ZNF395: variants seen among roughly 807,000 people sequenced by gnomAD.
The protein encoded by ZNF395 is HD gene regulatory region-binding protein 2.
In ZNF395, 20 loss-of-function variants were observed where a neutral mutation model predicts 57.7. The ratio of observed to expected loss-of-function variants is 0.35; its 90% CI spans 0.24 to 0.50. ZNF395 has a LOEUF of 0.50. ZNF395 is among the 20% of genes least tolerant of loss of function. The probability of loss-of-function intolerance (pLI) is 0.97; values close to 1 mark genes in which losing one functional copy is unlikely to be tolerated. For synonymous variants in ZNF395, 295 were observed against 275.9 expected (o/e 1.07, Z -0.69); for missense variants, 606 against 671.2 (o/e 0.90, Z 1.07).
Position 28,347,556 on chromosome 8 carries a change from CACCA to C in ZNF395, c.*1159_*1162del, listed in dbSNP as rs1195303514. ...CCTAGATCCCTGGAGGCTCCAGAAA[CACCA>C]AGGGCCAAAACGCCAGCAGCCACTA... On this transcript the variant is annotated 3_prime_UTR_variant, in exon 10 of 10. Transcript: ENST00000344423. 6.6e-6 allele frequency: 1 copy of C among 152,416 alleles called. No homozygotes were observed. The highest frequency in any genetic ancestry group is 1.5e-5 in the Non-Finnish European group (1 of 68,244). The allele number at this position is 152,416 out of a possible 1,614,324, so 9.4% of individuals were successfully genotyped here.
At chr8:28,351,835 CA>C (rs766695224) in intron 6 of ZNF395, 28 bp from the exon 7 acceptor site, 13 of 1,521,710 alleles carry the variant, frequency 8.5e-6, no homozygotes, top group Non-Finnish European at 1.1e-5. Context: ...GCGGTATAAT[CA>C]GGGGCACCCT....
rs1240264945 is a variant in ZNF395 at position 28,348,623 on chromosome 8, T to C, written c.*96A>G. The C allele has an allele frequency of 2.2e-5, 25 of 1,144,188 alleles. No homozygotes were observed. The highest frequency in any genetic ancestry group is 3.2e-5 in the Non-Finnish European group (24 of 761,338). 70.9% of individuals were successfully genotyped at this position (1,144,188 alleles called of 1,614,324 possible). On this transcript the variant is annotated 3_prime_UTR_variant, in exon 10 of 10. Transcript: ENST00000344423. ...GAGCCCAAACTCCGTGTTTCCGTTC[T>C]TTCTCTTTCGGTTTCTGCTGAGGGC... is the stretch of plus-strand genomic sequence containing the variant.
chr8:28,385,837 C>G (rs867810445), intron 1 of ZNF395, among the ~76,000 whole-genome samples: 2,214 of 147,112 alleles, frequency 0.015, 64 homozygotes, highest in African/African-American at 0.051. Flanking sequence ...CGCCCGCCAC[C>G]CCGGCCCTGC....
intron 4 of ZNF395, among the ~76,000 whole-genome samples, chr8:28,354,277 C>T (rs902571239): frequency 6.6e-6 from 1 of 152,138 alleles, no homozygotes; most frequent in Non-Finnish European, 1.5e-5. Flanking sequence ...ATGGGCCCAA[C>T]CCAGACTCTC....
At chr8:28,371,821 G>A (rs1248487546) in intron 1 of ZNF395, among the ~76,000 whole-genome samples, 2 of 152,204 alleles carry the variant, frequency 1.3e-5, no homozygotes, top group African/African-American at 4.8e-5. Context: ...GGCCAAGGCA[G>A]GTGGATCACT....
At position 28,351,507 on chromosome 8, in the gene ZNF395, A is replaced by T. The variant is rs1306042213; in HGVS notation, c.1221T>A (p.Asp407Glu). 6.2e-7 allele frequency: 1 copy of T among 1,603,532 alleles called. No homozygotes were observed. Among genetic ancestry groups the T allele is most frequent in the Non-Finnish European group, 8.5e-7 (1 of 1,172,194 alleles). Residue 407 changes from aspartate to glutamate, a missense_variant, in exon 7 of 10, where the codon GAT becomes GAA. Physicochemically the swap from Asp to Glu is conservative, Grantham distance 45. This residue lies in a region of ZNF395 where 261 missense variants were observed against 240.3 expected (regional missense o/e 1.09). Transcript: ENST00000344423. ...APGSFWHIQA[D>E]HAYQALPSFQ... ...CCCCGCCCCATACCTGGTATGCATG[A>T]TCTGCCTGAATGTGCCAGAAGGACC...
intron 1 of ZNF395, among the ~76,000 whole-genome samples, chr8:28,362,091 CAA>C (rs111833441): frequency 9.6e-5 from 12 of 124,876 alleles, no homozygotes; most frequent in Admixed American, 1.7e-4. Flanking sequence ...GACTCAGACT[CAA>C]AAAAAAAAAA....
chr8:28,382,853 A>T (rs1339878882), intron 1 of ZNF395, among the ~76,000 whole-genome samples: 2 of 152,228 alleles, frequency 1.3e-5, no homozygotes, highest in African/African-American at 4.8e-5. Context: ...AGTGGGAGAC[A>T]AGAGGTTTTT....
Position 28,349,134 on chromosome 8 carries a change from C to T in ZNF395, c.1421G>A (p.Ser474Asn). 2.6e-6 allele frequency: 4 copies of T among 1,568,016 alleles called. No homozygotes were observed. Among genetic ancestry groups the T allele is most frequent in the Admixed American group, 3.8e-5 (2 of 52,092 alleles). Residue 474 changes from serine (S) to asparagine (N), a missense_variant, in exon 9 of 10, where the codon AGT becomes AAT. Ser to Asn is a conservative substitution (Grantham distance 46). This residue lies in a region of ZNF395 where 261 missense variants were observed against 240.3 expected (regional missense o/e 1.09). Transcript: ENST00000344423. ...ACAGCGGACATCTCACCTGGCACCA[C>T]TCTGGGCCCGGGGTGGAGAAGTGAC... The part of the protein sequence containing the change: ...LIVTSPPRAQ[S>N]GARKARGEAK...
In ZNF395 at chr8:28,348,174, C is replaced by G. The variant is rs1444484121; in HGVS notation, c.*545G>C. The G allele has an allele frequency of 6.6e-6, 1 of 151,546 alleles. No homozygotes were observed. The highest frequency in any genetic ancestry group is 1.5e-5 in the Non-Finnish European group (1 of 68,140). 9.4% of individuals were successfully genotyped at this position (151,546 alleles called of 1,614,324 possible). The stretch of plus-strand genomic sequence containing the variant: ...CCATGCAGGATGCTCAGACAGGGAA[C>G]AGGAGGTACCCTCCGAGAAGGGCAA... On this transcript the variant is annotated 3_prime_UTR_variant, in exon 10 of 10. Coordinates refer to ENST00000344423, the MANE Select transcript of ZNF395 (RefSeq NM_018660.3).
rs375013174 is a variant in ZNF395 at position 28,349,234 on chromosome 8, C to T, written c.1327-6G>A. On this transcript the variant is annotated splice_region_variant and splice_polypyrimidine_tract_variant and intron_variant, in intron 8 of 9. Coordinates refer to ENST00000344423, the MANE Select transcript of ZNF395 (RefSeq NM_018660.3). ...CTTAGCGACCGGCTCCGGACCTGGG[C>T]GTGGGGAGAGGGGCTGTGAGCACAG... is the stretch of plus-strand genomic sequence containing the variant. The T allele has an allele frequency of 2.6e-5, 40 of 1,528,242 alleles. No homozygotes were observed. The highest frequency in any genetic ancestry group is 4.3e-5 in the Admixed American group (2 of 46,296). 94.7% of individuals were successfully genotyped at this position (1,528,242 alleles called of 1,614,324 possible).
intron 1 of ZNF395, among the ~76,000 whole-genome samples, chr8:28,376,897 AT>A (rs1802049017): frequency 6.6e-6 from 1 of 152,236 alleles, no homozygotes; most frequent in Non-Finnish European, 1.5e-5. Flanking sequence ...TTCATCCCAT[AT>A]AAAAAGAGCA....
chr8:28,377,946 C>T (rs539996795), intron 1 of ZNF395, among the ~76,000 whole-genome samples: 2 of 151,694 alleles, frequency 1.3e-5, no homozygotes, highest in East Asian at 1.9e-4. Flanking sequence ...TTAGTAGAGA[C>T]GGGGTTTCAC....
Position 28,357,798 on chromosome 8 carries a change from T to C in ZNF395, c.474-1019A>G, listed in dbSNP as rs147782313. Among the ~76,000 whole-genome samples, 51 of 152,366 alleles carry C rather than the reference T, an allele frequency of 3.3e-4. No homozygotes were observed. In the East Asian group the frequency reaches 9.8e-3, roughly 29 times the overall value. ...CAAAATACTGGGTCTGCTGTGTTTT[T>C]TCGCACTCATAGACAAACACAGAGA... On this transcript the variant is annotated intron_variant, in intron 3 of 9. Coordinates refer to ENST00000344423, the MANE Select transcript of ZNF395 (RefSeq NM_018660.3).
intron 3 of ZNF395, among the ~76,000 whole-genome samples, chr8:28,358,355 C>G (rs1257413556): frequency 2.0e-5 from 3 of 151,848 alleles, no homozygotes; most frequent in African/African-American, 7.3e-5. Flanking sequence ...CGTGATCCAC[C>G]CACCTTCGTC....
rs541171837 is a variant in ZNF395, at chr8:28,373,435, C to T, written c.-58-12253G>A. 3.3e-5 allele frequency among the ~76,000 whole-genome samples: 5 copies of T among 152,312 alleles called. No homozygotes were observed. In the East Asian group the frequency reaches 9.6e-4, roughly 29 times the overall value. Reference sequence around the variant, plus strand: ...AATTAACATAAACTGCTAATAACAGCCACGTGGCCGCATTCTAGATGCCTT... The same window carrying T: ...AATTAACATAAACTGCTAATAACAGTCACGTGGCCGCATTCTAGATGCCTT... On this transcript the variant is annotated intron_variant, in intron 1 of 9. Coordinates refer to ENST00000344423, the MANE Select transcript of ZNF395 (RefSeq NM_018660.3).
chr8:28,380,339 GT>G (rs930108255), intron 1 of ZNF395, among the ~76,000 whole-genome samples: 2 of 152,030 alleles, frequency 1.3e-5, no homozygotes, highest in African/African-American at 4.8e-5. Context: ...ATTTTTTTCT[GT>G]TTTCTTTTTA....
chr8:28,383,715 CT>C (rs1802137888), intron 1 of ZNF395, among the ~76,000 whole-genome samples: 2 of 152,228 alleles, frequency 1.3e-5, no homozygotes, highest in South Asian at 4.1e-4. Context: ...CGCTGCCCCC[CT>C]ATTACCAGCA....
At chr8:28,384,860 C>T (rs112189729) in intron 1 of ZNF395, among the ~76,000 whole-genome samples, 17 of 152,264 alleles carry the variant, frequency 1.1e-4, no homozygotes, top group Admixed American at 9.8e-4. Flanking sequence ...TCCACCTAGT[C>T]CTAGGCTTCC....
Sources: gnomAD v4.1 joint callset for allele counts (sites outside exome capture counted in the v4.1 genomes callset) on GRCh38, gnomAD v4.1.1 for gene constraint, gnomAD v4.1.1 regional missense constraint, MANE v1.5 for transcripts, NCBI Gene and HGNC (gene_info 2026-07-23, HGNC 2026-07-21) for gene names.